EIF2AK4: variants seen among roughly 807,000 people sequenced by gnomAD.
EIF2AK4 encodes the protein eukaryotic translation initiation factor 2 alpha kinase 4.
In EIF2AK4, 139 loss-of-function variants were observed where a neutral mutation model predicts 211.1. That is an observed-to-expected ratio of 0.66 (90% CI 0.57 to 0.76). The LOEUF is 0.76. Ranked by LOEUF, EIF2AK4 falls within the 30% of genes least tolerant of loss-of-function variation. The pLI, the probability that EIF2AK4 is intolerant of heterozygous loss-of-function variation, is 0.00. For missense variants in EIF2AK4, 1,664 were observed against 2,043.8 expected, an observed-to-expected ratio of 0.81 and a Z score of 3.58; for synonymous variants, 710 against 751.3, an observed-to-expected ratio of 0.94 and a Z score of 0.90.
intron 31 of EIF2AK4, 43 bp from the exon 32 acceptor site, chr15:40,022,476 G>A: frequency 6.6e-7 from 1 of 1,521,480 alleles, no homozygotes; most frequent in Non-Finnish European, 9.1e-7. Context: ...AGCTGTTCCA[G>A]GTGCTCTGTG....
intron 20 of EIF2AK4, among the ~76,000 whole-genome samples, chr15:39,999,752 T>C (rs1270540096): frequency 6.6e-6 from 1 of 152,252 alleles, no homozygotes; most frequent in African/African-American, 2.4e-5. Context: ...CATTGAGTCA[T>C]GTTTCTGCTT....
At chr15:39,969,068 A>C (rs1443144972) in intron 9 of EIF2AK4, among the ~76,000 whole-genome samples, 1 of 152,158 alleles carries the variant, frequency 6.6e-6, no homozygotes, top group Non-Finnish European at 1.5e-5. Context: ...AGGTTGGCCA[A>C]AATGACAAAT....
chr15:40,001,198 T>C lies in EIF2AK4; in HGVS notation c.3133T>C (p.Tyr1045His). 8 of 1,613,736 alleles carry C rather than the reference T, an allele frequency of 5.0e-6. No individual in the cohort carries two copies. The highest frequency in any genetic ancestry group is 6.8e-6 in the Non-Finnish European group (8 of 1,179,956). ...GCAGCGCATCTCCCCTGCCATCGATTACACCTATGACAGCGACATACTGAA... is the reference window on the plus strand; with the variant it reads ...GCAGCGCATCTCCCCTGCCATCGATCACACCTATGACAGCGACATACTGAA... ...FSQRISPAID[Y>H]TYDSDILKGN... The change falls in exon 21 of 39, where the codon TAC becomes CAC. Residue 1045 changes from tyrosine (Y) to histidine (H), a missense_variant. This residue lies in a region of EIF2AK4 where 622 missense variants were observed against 796.8 expected (regional missense o/e 0.78). Transcript: ENST00000263791.
rs145435170 is a variant in EIF2AK4 at position 40,023,811 on chromosome 15, T to C, written c.4389+1206T>C. ...TCTTATCCATTACTATTTTCTTCCT[T>C]CTGCTTATTTTGGATTTAGTTTATT... On this transcript the variant is annotated intron_variant, in intron 32 of 38. Coordinates refer to ENST00000263791, the MANE Select transcript of EIF2AK4 (RefSeq NM_001013703.4). Among the ~76,000 whole-genome samples, 28 of 152,350 alleles carry C rather than the reference T, an allele frequency of 1.8e-4. 1 individual carries two copies. Among genetic ancestry groups the C allele is most frequent in the African/African-American group, 6.7e-4 (28 of 41,582 alleles).
At chr15:39,960,517 G>T (rs1331415807) in intron 6 of EIF2AK4, among the ~76,000 whole-genome samples, 1 of 152,182 alleles carries the variant, frequency 6.6e-6, no homozygotes, top group African/African-American at 2.4e-5. Flanking sequence ...TTTAGAGCGA[G>T]TGGAGGGAGT....
chr15:39,994,450 A>G (rs573103648), intron 18 of EIF2AK4, among the ~76,000 whole-genome samples: 39 of 152,234 alleles, frequency 2.6e-4, no homozygotes, highest in Non-Finnish European at 4.4e-4. Flanking sequence ...CCTACTAAAC[A>G]TCAAAAAAAT....
chr15:40,026,925 C>G (rs983610582), intron 33 of EIF2AK4, among the ~76,000 whole-genome samples: 2 of 152,146 alleles, frequency 1.3e-5, no homozygotes, highest in African/African-American at 4.8e-5. Context: ...TATCAAGGCT[C>G]ATTTATAACA....
At chr15:40,012,660 A>G (rs2140940492) in intron 27 of EIF2AK4, among the ~76,000 whole-genome samples, 1 of 151,854 alleles carries the variant, frequency 6.6e-6, no homozygotes, top group Admixed American at 6.5e-5. Flanking sequence ...ATTTCAGAAC[A>G]TCTTTTTTTT....
intron 10 of EIF2AK4, 75 bp downstream of exon 10, chr15:39,973,089 A>G (rs1051691063): frequency 6.6e-6 from 8 of 1,204,528 alleles, no homozygotes; most frequent in Admixed American, 3.5e-5. Flanking sequence ...TAAACCAAAA[A>G]CTGGAAGGGG....
Position 39,976,784 on chromosome 15 carries a change from C to T in EIF2AK4, c.2189C>T (p.Ser730Phe), listed in dbSNP as rs751290001. The T allele has an allele frequency of 1.9e-6, 3 of 1,583,318 alleles. No homozygotes were observed. The change falls in exon 12 of 39, where the codon TCC (serine) becomes TTC (phenylalanine). Residue 730 changes from serine (S) to phenylalanine (F), a missense_variant. Transcript: ENST00000263791. Reference protein sequence around the residue: ...SARFPATGPGSSDDEDDDEDE... With the variant: ...SARFPATGPGFSDDEDDDEDE... ...CGTTTCCCCGCCACCGGCCCGGGCT[C>T]CAGCGATGACGAGGACGACGACGAG...
At chr15:39,955,103 T>C (rs2034371695) in intron 5 of EIF2AK4, among the ~76,000 whole-genome samples, 1 of 152,244 alleles carries the variant, frequency 6.6e-6, no homozygotes, top group African/African-American at 2.4e-5. Context: ...GCTCCTGACC[T>C]GCCTTCCTGT....
chr15:39,979,630 G>A (rs1372030277), intron 13 of EIF2AK4, among the ~76,000 whole-genome samples: 1 of 152,150 alleles, frequency 6.6e-6, no homozygotes, highest in African/African-American at 2.4e-5. Context: ...ATAAGAATTA[G>A]TTTTGAAATC....
At chr15:39,935,097 C>T (rs927577345) in intron 1 of EIF2AK4, among the ~76,000 whole-genome samples, 1 of 152,094 alleles carries the variant, frequency 6.6e-6, no homozygotes, top group Admixed American at 6.5e-5. Flanking sequence ...TTTACGAATG[C>T]GTGTTGGGCC....
chr15:39,936,014 C>T (rs2034059527), intron 1 of EIF2AK4, among the ~76,000 whole-genome samples: 1 of 152,140 alleles, frequency 6.6e-6, no homozygotes, highest in Non-Finnish European at 1.5e-5. Context: ...TCAAAGTGTA[C>T]ATGGGACTCA....
chr15:39,977,913 A>G (rs1257652744), intron 12 of EIF2AK4, 165 bp from the exon 13 acceptor site: 2 of 402,818 alleles, frequency 5.0e-6, no homozygotes, highest in East Asian at 3.6e-5. Flanking sequence ...TGTGTTTTGC[A>G]TAATAGCAAG....
At chr15:39,956,575 G>C (rs2034395557) in intron 6 of EIF2AK4, among the ~76,000 whole-genome samples, 1 of 152,188 alleles carries the variant, frequency 6.6e-6, no homozygotes, top group Non-Finnish European at 1.5e-5. Flanking sequence ...CTCCTGGGCT[G>C]TTCCCTGTCA....
chr15:39,994,815 T>A (rs1370089847), intron 18 of EIF2AK4, among the ~76,000 whole-genome samples: 3 of 151,876 alleles, frequency 2.0e-5, no homozygotes, highest in Non-Finnish European at 4.4e-5. Context: ...ACTGTGAGTG[T>A]GGGCAGACAC....
intron 32 of EIF2AK4, among the ~76,000 whole-genome samples, chr15:40,024,958 G>A (rs752770443): frequency 2.0e-5 from 3 of 152,072 alleles, no homozygotes; most frequent in Non-Finnish European, 2.9e-5. Flanking sequence ...TTTGCTAAAT[G>A]CCATGAGAGT....
chr15:39,951,373 C>G, intron 4 of EIF2AK4: 1 of 244,296 alleles, frequency 4.1e-6, no homozygotes, highest in Non-Finnish European at 8.2e-6. Flanking sequence ...GATTCTTAAG[C>G]ACGCTCTCCA....
Sources: allele counts gnomAD v4.1 joint callset (sites outside exome capture counted in the v4.1 genomes callset), GRCh38; gene constraint gnomAD v4.1.1; regional missense constraint gnomAD v4.1.1; transcripts MANE v1.5; gene names NCBI Gene and HGNC (gene_info 2026-07-23, HGNC 2026-07-21).